The following MYO9A variants were observed in gnomAD, a reference collection of about 807,000 sequenced individuals.
MYO9A encodes unconventional myosin-IXa.
A neutral mutation model predicts 293.3 loss-of-function variants in MYO9A; 103 were observed. The observed-to-expected ratio is 0.35, with a 90% CI of 0.30 to 0.41. The LOEUF is 0.41. Among genes scored for constraint, MYO9A ranks in the 10% least tolerant of loss-of-function variants. The pLI is 1.00. For synonymous variants in MYO9A, 1,001 were observed against 1,035.7 expected (o/e 0.97, Z 0.64); for missense variants, 2,685 against 3,033.0 (o/e 0.89, Z 2.69).
intron 1 of MYO9A, among the ~76,000 whole-genome samples, chr15:72,078,450 C>T (rs151106163): frequency 1.8e-3 from 273 of 152,204 alleles, no homozygotes; most frequent in Non-Finnish European, 3.5e-3. Context: ...CCAGATCATA[C>T]CACTGCACTC....
At chr15:71,943,745 G>A (rs2146249441) in intron 15 of MYO9A, among the ~76,000 whole-genome samples, 1 of 152,162 alleles carries the variant, frequency 6.6e-6, no homozygotes, top group South Asian at 2.1e-4. Flanking sequence ...ACACAGATTG[G>A]CTTGTATTGA....
chr15:72,103,468 C>CAGA (rs2080455389), intron 1 of MYO9A, among the ~76,000 whole-genome samples: 1 of 147,144 alleles, frequency 6.8e-6, no homozygotes, highest in Non-Finnish European at 1.5e-5. Context: ...GAAGAAGCAG[C>CAGA]AGCAGAAGCA....
chr15:71,911,561 C>A (rs538707658), intron 19 of MYO9A, among the ~76,000 whole-genome samples: 1 of 152,232 alleles, frequency 6.6e-6, no homozygotes, highest in South Asian at 2.1e-4. Context: ...AGCAGCTTTA[C>A]CAGTAAGTTT....
intron 33 of MYO9A, 74 bp from the exon 34 acceptor site, chr15:71,859,870 T>C: frequency 7.7e-7 from 1 of 1,299,254 alleles, no homozygotes; most frequent in Non-Finnish European, 1.1e-6. Flanking sequence ...AAGTATACTT[T>C]ATTTTAGACC....
intron 39 of MYO9A, among the ~76,000 whole-genome samples, chr15:71,838,853 C>T (rs1261583572): frequency 1.3e-5 from 2 of 152,182 alleles, no homozygotes; most frequent in Non-Finnish European, 2.9e-5. Flanking sequence ...TAAACTAGCA[C>T]TGAATTCATT....
intron 26 of MYO9A, chr15:71,890,912 A>T (rs2057157519): frequency 6.6e-6 from 1 of 152,224 alleles, no homozygotes; most frequent in African/African-American, 2.4e-5. Flanking sequence ...AGAAAATCAA[A>T]TACATTTAAA....
chr15:71,981,356 CTCTT>C (rs2076266376), intron 11 of MYO9A, among the ~76,000 whole-genome samples: 1 of 152,212 alleles, frequency 6.6e-6, no homozygotes, highest in Non-Finnish European at 1.5e-5. Context: ...CAGACTGACA[CTCTT>C]TCTTCTTTCC....
rs190376754 is a variant in MYO9A at position 72,094,193 on chromosome 15, A to G, written c.-72+23487T>C. 2.3e-3 allele frequency among the ~76,000 whole-genome samples: 201 copies of G among 89,048 alleles called. 30 individuals carry two copies. The highest frequency in any genetic ancestry group is 7.6e-3 in the Middle Eastern group (1 of 132). 58.4% of individuals were successfully genotyped at this position (89,048 alleles called of 152,430 possible). ...CCACTGCACTCCAGCTGGGAAACAG[A>G]GCAAGAACTTGTCAAAAGAAGAAAG... On this transcript the variant is annotated intron_variant, in intron 1 of 41. Transcript: ENST00000356056.
chr15:71,840,383 T>A (rs1387856596), intron 39 of MYO9A, among the ~76,000 whole-genome samples: 5 of 152,216 alleles, frequency 3.3e-5, no homozygotes, highest in African/African-American at 1.2e-4. Flanking sequence ...AGGATGATCT[T>A]AGGCTCTCTG....
At chr15:71,878,413 T>C (rs1361873541) in intron 30 of MYO9A, among the ~76,000 whole-genome samples, 182 bp from the exon 31 acceptor site, 1 of 152,202 alleles carries the variant, frequency 6.6e-6, no homozygotes, top group Admixed American at 6.5e-5. Context: ...ATGGGATGAA[T>C]GCAGAATCAA....
At chr15:72,038,972 G>C (rs1247935876) in intron 2 of MYO9A, among the ~76,000 whole-genome samples, 2 of 151,898 alleles carry the variant, frequency 1.3e-5, no homozygotes, top group Non-Finnish European at 2.9e-5. Flanking sequence ...CTATAAGATA[G>C]ATATAAGTAG....
chr15:71,918,601 C>T (rs538328043), intron 18 of MYO9A, among the ~76,000 whole-genome samples: 3 of 152,192 alleles, frequency 2.0e-5, no homozygotes, highest in Non-Finnish European at 4.4e-5. Flanking sequence ...CACAGCTTCA[C>T]GGTATGTATA....
Position 71,899,826 on chromosome 15 carries a change from A to G in MYO9A, c.3331T>C (p.Tyr1111His). 1 of 1,614,114 alleles carries G rather than the reference A, an allele frequency of 6.2e-7. No individual in the cohort carries two copies. Among genetic ancestry groups the G allele is most frequent in the African/African-American group, 1.3e-5 (1 of 75,030 alleles). The change falls in exon 24 of 42, where the codon TAC (tyrosine) becomes CAC (histidine). Residue 1111 changes from tyrosine to histidine, a missense_variant. Tyr to His is a moderately conservative substitution (Grantham distance 83, BLOSUM62 2). Transcript: ENST00000356056. ...AIVIQQKWRD[Y>H]YRRRHMAAIC... ...GCAGCCATGTGCCTGCGCCTATAGT[A>G]ATCTCTCCATTTCTGCTGGATAACG... is the stretch of plus-strand genomic sequence containing the variant.
Position 71,848,921 on chromosome 15 carries a change from C to T in MYO9A, c.6761G>A (p.Arg2254His), listed in dbSNP as rs746180145. The T allele has an allele frequency of 1.4e-5, 22 of 1,611,204 alleles. No individual in the cohort carries two copies. Among genetic ancestry groups the T allele is most frequent in the East Asian group, 6.7e-5 (3 of 44,796 alleles). The change falls in exon 39 of 42, where the codon CGT becomes CAT. Residue 2254 changes from arginine (R) to histidine (H), a missense_variant. By Grantham distance (29) the Arg-to-His change is conservative. Around this residue, in one of 10 missense-constraint regions of MYO9A, gnomAD observed 7 missense variants for 28.9 expected, o/e 0.24. Transcript: ENST00000356056. ...VVEQMNKYKA[R>H]LKDISSLEFA... is the part of the protein sequence containing the mutation. ...TTCCAAGCTACTGATATCTTTGAGA[C>T]GAGCCTTGTATTTATTCATTTGTTC...
At chr15:72,067,095 C>T (rs2079043844) in intron 1 of MYO9A, among the ~76,000 whole-genome samples, 1 of 84,164 alleles carries the variant, frequency 1.2e-5, no homozygotes, top group Non-Finnish European at 3.3e-5. Flanking sequence ...TTATATATTA[C>T]ATAATATAAT....
intron 2 of MYO9A, chr15:72,039,973 T>C: frequency 5.3e-6 from 1 of 190,020 alleles, no homozygotes; most frequent in Non-Finnish European, 1.0e-5. Context: ...CAGGACATCC[T>C]GGAAGCTGGG....
chr15:72,027,077 A>G (rs2077696854), intron 4 of MYO9A, among the ~76,000 whole-genome samples: 1 of 152,188 alleles, frequency 6.6e-6, no homozygotes, highest in South Asian at 2.1e-4. Flanking sequence ...ACTGGATTTC[A>G]CCTCTCATTC....
chr15:71,827,992 G>T lies in MYO9A; in HGVS notation c.7075C>A (p.Pro2359Thr). 6.2e-7 allele frequency: 1 copy of T among 1,613,722 alleles called. No homozygotes were observed. The highest frequency in any genetic ancestry group is 1.1e-5 in the South Asian group (1 of 91,042). ...ELTFEMLVLE[P>T]RASDDETLES... is the part of the protein sequence containing the mutation. ...AGGGTTTCATCATCAGAGGCACGGG[G>T]TTCCAGTACAAGCATCTCAAATGTT... is the stretch of plus-strand genomic sequence containing the variant. Residue 2359 changes from proline to threonine, a missense_variant, in exon 41 of 42, where the codon CCC (proline) becomes ACC (threonine). Transcript: ENST00000356056.
At chr15:72,045,599 G>GTA (rs1566979246) in intron 2 of MYO9A, 125 bp downstream of exon 2, 1 of 1,110,256 alleles carries the variant, frequency 9.0e-7, no homozygotes, top group African/African-American at 1.6e-5. Context: ...AGATGGAACA[G>GTA]TATCTTGCTT....
Sources: allele counts gnomAD v4.1 joint callset (sites outside exome capture counted in the v4.1 genomes callset), GRCh38; gene constraint gnomAD v4.1.1; regional missense constraint gnomAD v4.1.1; transcripts MANE v1.5; gene names NCBI Gene and HGNC (gene_info 2026-07-23, HGNC 2026-07-21).